PDE9A: variants seen among roughly 807,000 people sequenced by gnomAD.
The protein encoded by PDE9A is high affinity cGMP-specific 3',5'-cyclic phosphodiesterase 9A.
PDE9A carries 60 observed loss-of-function variants against 87.4 expected under a neutral mutation model. The ratio of observed to expected loss-of-function variants is 0.69; its 90% confidence interval spans 0.56 to 0.85. The LOEUF (loss-of-function observed/expected upper bound fraction) is 0.85, where lower values mean the gene tolerates loss of function less well. Among genes scored for constraint, PDE9A ranks in the 40% least tolerant of loss-of-function variants. The pLI is 0.00. For missense variants in PDE9A, 665 were observed against 779.0 expected (o/e 0.85, Z 1.74); for synonymous variants, 272 against 279.4 (o/e 0.97, Z 0.27).
At position 42,762,083 on chromosome 21, in the gene PDE9A, G is replaced by T. The variant is rs749024378; in HGVS notation, c.1086G>T (p.Thr362=). The T allele has an allele frequency of 3.0e-5, 48 of 1,613,104 alleles. No individual in the cohort carries two copies. Among genetic ancestry groups the T allele is most frequent in the Non-Finnish European group, 3.8e-5 (45 of 1,179,540 alleles). ...CCCTCACTCTCTCCTTGCCTCCCAGGTACCAGATCAATGCCCGCACAGAGC... is the reference window on the plus strand; with the variant it reads ...CCCTCACTCTCTCCTTGCCTCCCAGTTACCAGATCAATGCCCGCACAGAGC... ...HDLDHPGYNN[T]YQINARTELA... Residue 362 remains threonine (T), a splice_region_variant and synonymous_variant, in exon 14 of 20, where the codon ACG becomes ACT. Coordinates refer to ENST00000291539, the MANE Select transcript of PDE9A (RefSeq NM_002606.3).
chr21:42,757,899 G>C (rs980630713), intron 10 of PDE9A: 1 of 152,310 alleles, frequency 6.6e-6, no homozygotes, highest in African/African-American at 2.4e-5. Flanking sequence ...CCCCACTGGG[G>C]TCGGGGCTTT....
chr21:42,762,832 A>G (rs562054600), intron 14 of PDE9A, among the ~76,000 whole-genome samples: 5 of 152,290 alleles, frequency 3.3e-5, no homozygotes, highest in African/African-American at 9.6e-5. Flanking sequence ...AGCTGGGATT[A>G]CAGGCATGCG....
intron 18 of PDE9A, among the ~76,000 whole-genome samples, chr21:42,771,569 G>A (rs1226696702): frequency 1.3e-5 from 2 of 152,226 alleles, no homozygotes; most frequent in African/African-American, 2.4e-5. Context: ...TGCCACTGAA[G>A]CACCCTCCAA....
intron 1 of PDE9A, among the ~76,000 whole-genome samples, chr21:42,677,936 C>CCCAG (rs1390552307): frequency 5.9e-5 from 9 of 152,354 alleles, no homozygotes; most frequent in African/African-American, 2.2e-4. Context: ...AGCCACTGAG[C>CCCAG]CCAGCCTAGT....
chr21:42,663,745 CTG>C (rs769761593), intron 1 of PDE9A, among the ~76,000 whole-genome samples: 1 of 152,192 alleles, frequency 6.6e-6, no homozygotes, highest in Non-Finnish European at 1.5e-5. Flanking sequence ...TCCCTCAGCG[CTG>C]TGTCACACTC....
intron 1 of PDE9A, among the ~76,000 whole-genome samples, chr21:42,677,971 G>A (rs2146061044): frequency 6.6e-6 from 1 of 152,332 alleles, no homozygotes; most frequent in South Asian, 2.1e-4. Context: ...AGGAATTGGA[G>A]CATTTCTAGG....
chr21:42,766,185 A>T (rs1181011770), intron 15 of PDE9A, among the ~76,000 whole-genome samples: 1 of 140,448 alleles, frequency 7.1e-6, no homozygotes, highest in Non-Finnish European at 1.5e-5. Context: ...AAAGAAAAAT[A>T]AAAAAATCAG....
At chr21:42,733,056 G>T (rs2052004821) in intron 6 of PDE9A, among the ~76,000 whole-genome samples, 1 of 152,254 alleles carries the variant, frequency 6.6e-6, no homozygotes, top group African/African-American at 2.4e-5. Context: ...CATGAGCAGA[G>T]AGAGGGCCAT....
chr21:42,721,034 T>G (rs1008736748), intron 4 of PDE9A, among the ~76,000 whole-genome samples: 2 of 151,046 alleles, frequency 1.3e-5, no homozygotes, highest in Non-Finnish European at 2.9e-5. Flanking sequence ...AGAGCTAACA[T>G]GCATGAACCA....
Position 42,674,985 on chromosome 21 carries a change from G to T in PDE9A, c.70-11207G>T, listed in dbSNP as rs778648834. On this transcript the variant is annotated intron_variant, in intron 1 of 19. Coordinates refer to ENST00000291539, the MANE Select transcript of PDE9A (RefSeq NM_002606.3). ...CCTACATATTCAGTGCAGAAATTCTGAAAAATGCAGAACAGTATCAGGGAG... is the reference window on the plus strand; with the variant it reads ...CCTACATATTCAGTGCAGAAATTCTTAAAAATGCAGAACAGTATCAGGGAG... Among the ~76,000 whole-genome samples the T allele has an allele frequency of 1.2e-3, 186 of 152,126 alleles. 1 individual carries two copies. Among genetic ancestry groups the T allele is most frequent in the Non-Finnish European group, 2.2e-3 (151 of 68,014 alleles).
intron 13 of PDE9A, among the ~76,000 whole-genome samples, chr21:42,761,488 A>G (rs900528180): frequency 1.3e-5 from 2 of 152,240 alleles, no homozygotes; most frequent in African/African-American, 4.8e-5. Flanking sequence ...GACAAGGTCC[A>G]GGCCATGGGC....
chr21:42,691,535 C>G (rs912203619), intron 3 of PDE9A, among the ~76,000 whole-genome samples: 5 of 151,720 alleles, frequency 3.3e-5, no homozygotes, highest in Non-Finnish European at 7.4e-5. Flanking sequence ...TAGCCCATCA[C>G]CATCACTATC....
intron 10 of PDE9A, among the ~76,000 whole-genome samples, chr21:42,756,347 G>A (rs1194354586): frequency 6.6e-6 from 1 of 152,094 alleles, no homozygotes; most frequent in African/African-American, 2.4e-5. Flanking sequence ...CAGCCCACTC[G>A]GCCCCACAAA....
intron 8 of PDE9A, among the ~76,000 whole-genome samples, chr21:42,744,998 C>T (rs749777212): frequency 1.3e-5 from 2 of 152,162 alleles, no homozygotes; most frequent in African/African-American, 2.4e-5. Flanking sequence ...TGCCACTGCC[C>T]GGCCTCAGTG....
intron 1 of PDE9A, among the ~76,000 whole-genome samples, chr21:42,663,386 T>G (rs1014479141): frequency 1.4e-4 from 21 of 152,038 alleles, no homozygotes; most frequent in Non-Finnish European, 2.4e-4. Flanking sequence ...GCAGAGCCCC[T>G]GGGGGTTTCA....
At chr21:42,754,981 T>C (rs138601039) in intron 10 of PDE9A, among the ~76,000 whole-genome samples, 108 of 152,244 alleles carry the variant, frequency 7.1e-4, no homozygotes, top group African/African-American at 2.4e-3. Context: ...AAAAAAAAGG[T>C]GTTAAAATTC....
chr21:42,760,692 C>T lies in PDE9A; in HGVS notation c.1003-133C>T. On this transcript the variant is annotated intron_variant, in intron 12 of 19. Transcript: ENST00000291539. The surrounding 1 kb of genome is among the most constrained non-coding windows in gnomAD (Gnocchi z 5.2). ...CACAGGCAGGCCGATCCTCTCCCAC[C>T]ATGCCAGGAGATGCCAGATGGCTGC... 1 of 687,424 alleles carries T rather than the reference C, an allele frequency of 1.5e-6. No homozygotes were observed. Among genetic ancestry groups the T allele is most frequent in the Non-Finnish European group, 2.6e-6 (1 of 378,074 alleles). The allele number at this position is 687,424 out of a possible 1,614,324, so 42.6% of individuals were successfully genotyped here. A position where few individuals can be genotyped will look rare whatever the true frequency, so the allele number is the denominator to read the frequency against.
chr21:42,684,459 T>A (rs779677302), intron 1 of PDE9A, among the ~76,000 whole-genome samples: 96 of 152,346 alleles, frequency 6.3e-4, no homozygotes, highest in Admixed American at 2.4e-3. Context: ...CAGCGTGAAC[T>A]GTGACTAGGG....
chr21:42,655,900 G>T (rs2145761107), intron 1 of PDE9A, among the ~76,000 whole-genome samples: 1 of 151,404 alleles, frequency 6.6e-6, no homozygotes, highest in Middle Eastern at 3.5e-3. Flanking sequence ...CCCGTTGGAA[G>T]CTCCTAGCTG....
Sources: gnomAD v4.1 joint callset for allele counts (sites outside exome capture counted in the v4.1 genomes callset) on GRCh38, gnomAD v4.1.1 for gene constraint, Gnocchi (gnomAD v3.1) non-coding constraint, MANE v1.5 for transcripts, NCBI Gene and HGNC (gene_info 2026-07-23, HGNC 2026-07-21) for gene names.